RFTN2: variants seen among roughly 807,000 people sequenced by gnomAD.
RFTN2 encodes raftlin-2.
RFTN2 carries 34 observed loss-of-function variants against 52.7 expected under a neutral mutation model. The observed-to-expected ratio is 0.64, with a 90% CI of 0.49 to 0.86. The LOEUF is 0.86. Among genes scored for constraint, RFTN2 ranks in the 40% least tolerant of loss-of-function variants. The probability of loss-of-function intolerance (pLI) is 0.00; values close to 1 mark genes in which losing one functional copy is unlikely to be tolerated. For missense variants in RFTN2, 536 were observed against 600.1 expected (o/e 0.89, Z 1.12); for synonymous variants, 203 against 217.7 (o/e 0.93, Z 0.59).
intron 7 of RFTN2, among the ~76,000 whole-genome samples, chr2:197,597,014 C>CA (rs2087802526): frequency 6.6e-6 from 1 of 152,076 alleles, no homozygotes; most frequent in African/African-American, 2.4e-5. Context: ...TTTTATTATG[C>CA]AAAAAACCCC....
At chr2:197,622,386 C>A (rs1490076061) in intron 5 of RFTN2, among the ~76,000 whole-genome samples, 1 of 152,168 alleles carries the variant, frequency 6.6e-6, no homozygotes, top group Non-Finnish European at 1.5e-5. Context: ...CTCACTGCAA[C>A]CTCTACCTCC....
At chr2:197,614,627 C>A (rs1177867410) in intron 7 of RFTN2, among the ~76,000 whole-genome samples, 1 of 152,214 alleles carries the variant, frequency 6.6e-6, no homozygotes, top group East Asian at 1.9e-4. Context: ...TACCATGGGG[C>A]CGGAGCCCCA....
In RFTN2 at chr2:197,633,845, C is replaced by A. The variant is rs1372102306; in HGVS notation, c.591G>T (p.Trp197Cys). 1 of 1,613,922 alleles carries A rather than the reference C, an allele frequency of 6.2e-7. No homozygotes were observed. The highest frequency in any genetic ancestry group is 8.5e-7 in the Non-Finnish European group (1 of 1,179,880). ...ACTGCCCACTTAACGTCCCTTCATT[C>A]CAACTTCTACAGTTTTCATCTGAAC... ...RHGSDENCRS[W>C]NEGTLSGQSS... The change falls in exon 4 of 9, where the codon TGG (tryptophan) becomes TGT (cysteine). Residue 197 changes from tryptophan (W) to cysteine (C), a missense_variant. Trp to Cys is a radical substitution (Grantham distance 215, BLOSUM62 -2). Transcript: ENST00000295049.
intron 3 of RFTN2, among the ~76,000 whole-genome samples, chr2:197,636,365 C>G (rs2088566750): frequency 7.4e-6 from 1 of 135,772 alleles, no homozygotes; most frequent in African/African-American, 2.9e-5. Flanking sequence ...TTCTTCCTAC[C>G]CATGAGCATG....
chr2:197,644,075 T>C, intron 3 of RFTN2, 83 bp downstream of exon 3: 1 of 852,058 alleles, frequency 1.2e-6, no homozygotes, highest in Non-Finnish European at 2.0e-6. Flanking sequence ...TCCTTATTCT[T>C]TTTAGGGTAA....
intron 7 of RFTN2, among the ~76,000 whole-genome samples, chr2:197,610,124 TTAAAG>T (rs1175276630): frequency 6.6e-6 from 1 of 152,194 alleles, no homozygotes; most frequent in Non-Finnish European, 1.5e-5. Flanking sequence ...CATATGAACT[TTAAAG>T]TAGTTTTTTC....
intron 8 of RFTN2, among the ~76,000 whole-genome samples, chr2:197,580,288 G>A (rs968945295): frequency 8.5e-5 from 13 of 152,178 alleles, no homozygotes; most frequent in African/African-American, 2.9e-4. Flanking sequence ...TCTGCTGTGA[G>A]AGAAACCCCA....
At position 197,644,128 on chromosome 2, in the gene RFTN2, A is replaced by T. The variant is rs774931715; in HGVS notation, c.438+30T>A. 8.5e-6 allele frequency: 10 copies of T among 1,175,182 alleles called. No homozygotes were observed. The South Asian group carries it at 1.2e-4, about 14-fold the overall frequency. The allele number at this position is 1,175,182 out of a possible 1,614,324, so 72.8% of individuals were successfully genotyped here. ...GATGAAATACCAAATGTTTGTCAAT[A>T]TCCCATGAAAAAGTGCATAAATTTA... On this transcript the variant is annotated intron_variant, in intron 3 of 8. Coordinates refer to ENST00000295049, the MANE Select transcript of RFTN2 (RefSeq NM_144629.3).
intron 5 of RFTN2, among the ~76,000 whole-genome samples, chr2:197,628,133 C>T (rs2088399756): frequency 6.6e-6 from 1 of 152,066 alleles, no homozygotes; most frequent in African/African-American, 2.4e-5. Context: ...AGCCCTGCTT[C>T]CTCTGAATGC....
At chr2:197,657,647 T>C (rs946556476) in intron 1 of RFTN2, among the ~76,000 whole-genome samples, 1 of 148,800 alleles carries the variant, frequency 6.7e-6, no homozygotes, top group African/African-American at 2.5e-5. Context: ...ATTTTCCTCA[T>C]TTGTAGGGAT....
chr2:197,600,564 A>AG (rs1305299409), intron 7 of RFTN2, among the ~76,000 whole-genome samples: 3 of 152,132 alleles, frequency 2.0e-5, no homozygotes, highest in African/African-American at 7.2e-5. Flanking sequence ...CCTATTTGGT[A>AG]AAGCAAGTAA....
chr2:197,585,465 C>A (rs919915513), intron 8 of RFTN2, among the ~76,000 whole-genome samples: 10 of 152,204 alleles, frequency 6.6e-5, no homozygotes, highest in Middle Eastern at 3.2e-3. Context: ...AATAGATGAT[C>A]TTTGCTGACA....
intron 7 of RFTN2, among the ~76,000 whole-genome samples, chr2:197,604,316 C>T (rs1472982178): frequency 1.2e-4 from 19 of 152,178 alleles, no homozygotes; most frequent in Admixed American, 1.2e-3. Flanking sequence ...ATACTCAGAA[C>T]AGCATTGTTT....
intron 1 of RFTN2, among the ~76,000 whole-genome samples, chr2:197,661,658 G>T (rs2088979040): frequency 6.6e-6 from 1 of 152,158 alleles, no homozygotes; most frequent in African/African-American, 2.4e-5. Context: ...ATACCTAGTA[G>T]TGGAATTGCT....
At chr2:197,673,856 T>G (rs1169839746) in intron 1 of RFTN2, among the ~76,000 whole-genome samples, 1 of 152,162 alleles carries the variant, frequency 6.6e-6, no homozygotes, top group Non-Finnish European at 1.5e-5. Flanking sequence ...CAGAGAATCC[T>G]AAAGTACAGA....
chr2:197,672,215 C>T (rs1038093003), intron 1 of RFTN2, among the ~76,000 whole-genome samples: 3 of 152,058 alleles, frequency 2.0e-5, no homozygotes, highest in Non-Finnish European at 2.9e-5. Flanking sequence ...ATTCGGCCTA[C>T]CTAGATGAAA....
At chr2:197,631,329 G>C in intron 4 of RFTN2, 109 bp from the exon 5 acceptor site, 1 of 802,132 alleles carries the variant, frequency 1.2e-6, no homozygotes, top group Non-Finnish European at 2.1e-6. Context: ...CAAGCACTCA[G>C]CTTAATCAAA....
chr2:197,619,588 C>T (rs2088222793), intron 5 of RFTN2, among the ~76,000 whole-genome samples: 1 of 148,280 alleles, frequency 6.7e-6, no homozygotes, highest in Non-Finnish European at 1.5e-5. Context: ...CTCAAGTACC[C>T]AGGGACACAA....
intron 8 of RFTN2, among the ~76,000 whole-genome samples, chr2:197,578,891 G>A (rs960269711): frequency 1.3e-5 from 2 of 152,148 alleles, no homozygotes; most frequent in Non-Finnish European, 2.9e-5. Flanking sequence ...AGACCAACCA[G>A]CCCAAGGAAC....
Sources: allele counts gnomAD v4.1 joint callset (sites outside exome capture counted in the v4.1 genomes callset), GRCh38; gene constraint gnomAD v4.1.1; transcripts MANE v1.5; gene names NCBI Gene and HGNC (gene_info 2026-07-23, HGNC 2026-07-21).